PDE7A: variants seen among roughly 807,000 people sequenced by gnomAD.
The protein encoded by PDE7A is high affinity 3',5'-cyclic-AMP phosphodiesterase 7A.
Under a neutral mutation model 64.3 loss-of-function variants are expected in PDE7A, and 39 were observed. That is an observed-to-expected ratio of 0.61 (90% CI 0.47 to 0.79). PDE7A has a LOEUF of 0.79. Ranked by LOEUF, PDE7A falls within the 30% of genes least tolerant of loss-of-function variation. The pLI is 0.00. For synonymous variants in PDE7A, 203 were observed against 206.8 expected, an observed-to-expected ratio of 0.98 and a Z score of 0.16; for missense variants, 470 against 582.8, an observed-to-expected ratio of 0.81 and a Z score of 1.99.
intron 1 of PDE7A, among the ~76,000 whole-genome samples, chr8:65,815,475 A>G (rs1345830566): frequency 6.6e-6 from 1 of 152,216 alleles, no homozygotes; most frequent in African/African-American, 2.4e-5. Flanking sequence ...GGCAAAAGAT[A>G]AGCAAAACTA....
intron 4 of PDE7A, 42 bp downstream of exon 4, chr8:65,747,610 C>T: frequency 7.3e-7 from 1 of 1,373,234 alleles, no homozygotes; most frequent in South Asian, 1.3e-5. Context: ...CTTCAGTAAA[C>T]TTATCAAAAA....
chr8:65,811,338 A>G (rs1405200318), intron 1 of PDE7A, among the ~76,000 whole-genome samples: 1 of 152,182 alleles, frequency 6.6e-6, no homozygotes, highest in Non-Finnish European at 1.5e-5. Flanking sequence ...TCACTGTGGG[A>G]GAGAAGACAA....
chr8:65,726,755 G>A (rs753050448), intron 9 of PDE7A, 120 bp downstream of exon 9: 3 of 558,956 alleles, frequency 5.4e-6, no homozygotes, highest in Non-Finnish European at 9.7e-6. Flanking sequence ...TATTAAATTT[G>A]ACAAACACTG....
chr8:65,717,693 T>C lies in PDE7A; in HGVS notation c.*1597A>G, dbSNP rs1222193911. The C allele has an allele frequency of 6.6e-6, 1 of 152,202 alleles. No homozygotes were observed. Among genetic ancestry groups the C allele is most frequent in the Non-Finnish European group, 1.5e-5 (1 of 68,028 alleles). 9.4% of individuals were successfully genotyped at this position (152,202 alleles called of 1,614,324 possible). A position where few individuals can be genotyped will look rare whatever the true frequency, so the allele number is the denominator to read the frequency against. On this transcript the variant is annotated 3_prime_UTR_variant, in exon 13 of 13. Coordinates refer to ENST00000401827, the MANE Select transcript of PDE7A (RefSeq NM_001242318.3). ...TGTCAAAGATAAAAATATGAAAAGATAGGTTTTTATTCATCAAAAGTTAAC... is the reference window on the plus strand; with the variant it reads ...TGTCAAAGATAAAAATATGAAAAGACAGGTTTTTATTCATCAAAAGTTAAC...
chr8:65,758,664 A>G (rs970819971), intron 3 of PDE7A, among the ~76,000 whole-genome samples: 4 of 152,100 alleles, frequency 2.6e-5, no homozygotes, highest in Non-Finnish European at 5.9e-5. Flanking sequence ...CTTTCAAACT[A>G]TACTCTGAAG....
At chr8:65,768,225 C>T (rs115720038) in intron 3 of PDE7A, among the ~76,000 whole-genome samples, 2,562 of 152,294 alleles carry the variant, frequency 0.017, 77 homozygotes, top group African/African-American at 0.059. Flanking sequence ...TAAACAGTAT[C>T]TTTAATGAGC....
intron 1 of PDE7A, among the ~76,000 whole-genome samples, chr8:65,793,968 G>A (rs1042880542): frequency 6.6e-6 from 1 of 152,088 alleles, no homozygotes; most frequent in Non-Finnish European, 1.5e-5. Context: ...GGGGCTTTTC[G>A]GGTAGGCTAG....
At chr8:65,837,633 ACAC>A (rs1810977871) in intron 1 of PDE7A, among the ~76,000 whole-genome samples, 1 of 152,256 alleles carries the variant, frequency 6.6e-6, no homozygotes. Flanking sequence ...GACGATCTTA[ACAC>A]CCATGTGGTT....
chr8:65,742,364 G>C (rs1179303939), intron 5 of PDE7A, among the ~76,000 whole-genome samples: 1 of 152,088 alleles, frequency 6.6e-6, no homozygotes, highest in South Asian at 2.1e-4. Flanking sequence ...TTGCTATGTC[G>C]CATCACTTAA....
At position 65,839,871 on chromosome 8, in the gene PDE7A, C is replaced by T. The variant is rs143762172; in HGVS notation, c.138+1500G>A. ...TCTCATTCATTTTCTTCTCAGAGAG[C>T]ACAAGAACTTTATTCATGTTTTATA... On this transcript the variant is annotated intron_variant, in intron 1 of 12. Coordinates refer to ENST00000401827, the MANE Select transcript of PDE7A (RefSeq NM_001242318.3). Among the ~76,000 whole-genome samples, 544 of 152,252 alleles carry T rather than the reference C, an allele frequency of 3.6e-3. 2 individuals carry two copies. Among genetic ancestry groups the T allele is most frequent in the African/African-American group, 0.013 (524 of 41,550 alleles).
intron 1 of PDE7A, among the ~76,000 whole-genome samples, chr8:65,839,142 G>A (rs1563526981): frequency 6.6e-6 from 1 of 151,700 alleles, no homozygotes; most frequent in Non-Finnish European, 1.5e-5. Flanking sequence ...GTGACAATAA[G>A]GAAATGAAAA....
chr8:65,787,748 G>A (rs995038776), intron 1 of PDE7A, among the ~76,000 whole-genome samples: 2 of 151,146 alleles, frequency 1.3e-5, no homozygotes, highest in African/African-American at 4.9e-5. Context: ...TTTGAGACCA[G>A]CCTGGGCAAC....
chr8:65,715,768 G>A lies in PDE7A; in HGVS notation c.*3522C>T, dbSNP rs1462509964. Reference sequence around the variant, plus strand: ...TGGGAGGCCGAGGCGGGCGGATCACGAGGTCAGGAGATTGAGACCATCCTG... The same window carrying A: ...TGGGAGGCCGAGGCGGGCGGATCACAAGGTCAGGAGATTGAGACCATCCTG... On this transcript the variant is annotated 3_prime_UTR_variant, in exon 13 of 13. Transcript: ENST00000401827. Among the ~76,000 whole-genome samples the A allele has an allele frequency of 1.3e-5, 2 of 148,600 alleles. No individual in the cohort carries two copies. Among genetic ancestry groups the A allele is most frequent in the Admixed American group, 6.6e-5 (1 of 15,076 alleles).
intron 6 of PDE7A, among the ~76,000 whole-genome samples, chr8:65,739,240 T>C (rs1807293251): frequency 6.6e-6 from 1 of 152,256 alleles, no homozygotes; most frequent in South Asian, 2.1e-4. Flanking sequence ...CCTGGTATCC[T>C]AGCTGAGGTC....
Position 65,782,680 on chromosome 8 carries a change from C to T in PDE7A, c.199+103G>A. On this transcript the variant is annotated intron_variant, in intron 2 of 12. Transcript: ENST00000401827. Reference sequence around the variant, plus strand: ...CTCCATGAATAGGTTATTTCTACTACAAACAGTGATGAAAAGCTATCTAAT... The same window carrying T: ...CTCCATGAATAGGTTATTTCTACTATAAACAGTGATGAAAAGCTATCTAAT... 4.6e-6 allele frequency: 3 copies of T among 655,602 alleles called. No individual in the cohort carries two copies. The East Asian group carries it at 8.4e-5, about 18-fold the overall frequency. The allele number at this position is 655,602 out of a possible 1,614,324, so 40.6% of individuals were successfully genotyped here.
intron 3 of PDE7A, among the ~76,000 whole-genome samples, chr8:65,775,653 A>C (rs999959623): frequency 6.6e-6 from 1 of 152,212 alleles, no homozygotes; most frequent in Admixed American, 6.5e-5. Flanking sequence ...TTTGAGACGA[A>C]GTCTCGCTCT....
chr8:65,800,026 A>G (rs1809951654), intron 1 of PDE7A, among the ~76,000 whole-genome samples: 1 of 152,202 alleles, frequency 6.6e-6, no homozygotes, highest in Non-Finnish European at 1.5e-5. Flanking sequence ...GTAACTACTA[A>G]CTAGAACAAG....
At chr8:65,751,495 G>A (rs1417647238) in intron 3 of PDE7A, among the ~76,000 whole-genome samples, 2 of 149,328 alleles carry the variant, frequency 1.3e-5, no homozygotes, top group Non-Finnish European at 3.0e-5. Context: ...TTCTTTTCTC[G>A]AGTTTCATCT....
At chr8:65,836,986 T>C (rs1022089043) in intron 1 of PDE7A, among the ~76,000 whole-genome samples, 2 of 152,202 alleles carry the variant, frequency 1.3e-5, no homozygotes, top group Non-Finnish European at 2.9e-5. Context: ...GCCTCAACGA[T>C]TACATAAGGC....
Sources: gnomAD v4.1 joint callset for allele counts (sites outside exome capture counted in the v4.1 genomes callset) on GRCh38, gnomAD v4.1.1 for gene constraint, MANE v1.5 for transcripts, NCBI Gene and HGNC (gene_info 2026-07-23, HGNC 2026-07-21) for gene names.